The following ASAH1 variants were observed in gnomAD, a reference collection of about 807,000 sequenced individuals.
The protein encoded by ASAH1 is acid ceramidase.
ASAH1 carries 70 observed loss-of-function variants against 59.5 expected under a neutral mutation model. The observed-to-expected ratio is 1.18, with a 90% CI of 0.97 to 1.43. The LOEUF is 1.43. Ranked by LOEUF, ASAH1 falls within the 40% of genes most tolerant of loss-of-function variation. The pLI is 0.00. For synonymous variants in ASAH1, 213 were observed against 166.5 expected, an observed-to-expected ratio of 1.28 and a Z score of -2.15; for missense variants, 660 against 482.5, an observed-to-expected ratio of 1.37 and a Z score of -3.45.
chr8:18,068,477 C>A (rs2299606), intron 4 of ASAH1: 64,168 of 151,992 alleles, frequency 0.42, 14,581 homozygotes, highest in Admixed American at 0.53. Context: ...CGAGAGCATG[C>A]ACGTGAGGGA....
At position 18,058,844 on chromosome 8, in the gene ASAH1, G is replaced by A. The variant is rs1484365119; in HGVS notation, c.1089C>T (p.Val363=). The change falls in exon 13 of 14, where the codon GTC becomes GTT. Residue 363 remains valine, a synonymous_variant. Transcript: ENST00000637790. ...TMYDVLSTKP[V]LNKLTVYTTL... is the part of the protein sequence containing the mutation. Reference sequence around the variant, plus strand: ...ATAACATTTAAAATACCTTGTTGAGGACAGGTTTTGTTGACAGGACATCAT... The same window carrying A: ...ATAACATTTAAAATACCTTGTTGAGAACAGGTTTTGTTGACAGGACATCAT... The A allele has an allele frequency of 2.5e-6, 4 of 1,611,182 alleles. No individual in the cohort carries two copies. The Admixed American group carries it at 5.0e-5, about 20-fold the overall frequency.
chr8:18,064,430 GCCCAC>G, intron 6 of ASAH1, 22 bp downstream of exon 6: 659 of 1,483,888 alleles, frequency 4.4e-4, no homozygotes, highest in Non-Finnish European at 5.8e-4. Flanking sequence ...GCTTCATGCT[GCCCAC>G]CCTCCCTCAG....
At chr8:18,070,027 C>G in intron 3 of ASAH1, 149 bp from the exon 4 acceptor site, 1 of 548,082 alleles carries the variant, frequency 1.8e-6, no homozygotes, top group Non-Finnish European at 3.2e-6. Context: ...GTCACCCAGG[C>G]TGGAGTGCAG....
chr8:18,067,398 A>G, intron 4 of ASAH1, 100 bp from the exon 5 acceptor site: 1 of 746,430 alleles, frequency 1.3e-6, no homozygotes, highest in Non-Finnish European at 1.9e-6. Context: ...TTTGAAATCT[A>G]GTTCTTGGAC....
At chr8:18,081,776 G>C (rs1010502462) in intron 1 of ASAH1, among the ~76,000 whole-genome samples, 2 of 152,148 alleles carry the variant, frequency 1.3e-5, no homozygotes, top group Non-Finnish European at 2.9e-5. Context: ...TTGTTACCAT[G>C]AGGCTATAGT....
chr8:18,061,403 A>G lies in ASAH1; in HGVS notation c.759T>C (p.Thr253=). 2.5e-6 allele frequency: 4 copies of G among 1,612,786 alleles called. No homozygotes were observed. Among genetic ancestry groups the G allele is most frequent in the Non-Finnish European group, 3.4e-6 (4 of 1,178,698 alleles). Residue 253 remains threonine, a synonymous_variant, in exon 10 of 14, where the codon ACT becomes ACC. Transcript: ENST00000637790. ...KKDVMWIGFL[T]RTVLENSTSY... is the part of the protein sequence containing the mutation. ...TTGTGCTATTTTCCAGAACTGTTCTAGTGAGGAACCCTATCCACATGACAT... is the reference window on the plus strand; with the variant it reads ...TTGTGCTATTTTCCAGAACTGTTCTGGTGAGGAACCCTATCCACATGACAT...
At chr8:18,083,938 C>A in intron 1 of ASAH1, 43 bp downstream of exon 1, 1 of 1,580,620 alleles carries the variant, frequency 6.3e-7, no homozygotes, top group Non-Finnish European at 8.5e-7. Flanking sequence ...TCCGCGCCCG[C>A]ACCTGCACGC....
At chr8:18,075,500 C>G in intron 2 of ASAH1, 41 bp downstream of exon 2, 1 of 1,607,692 alleles carries the variant, frequency 6.2e-7, no homozygotes, top group Non-Finnish European at 8.5e-7. Context: ...AAAAACTTCA[C>G]AAAGGTCAAA....
intron 1 of ASAH1, among the ~76,000 whole-genome samples, chr8:18,080,211 A>ATGT (rs1379342348): frequency 6.6e-6 from 1 of 152,250 alleles, no homozygotes; most frequent in Non-Finnish European, 1.5e-5. Context: ...AATGTCAACA[A>ATGT]TGTTGACATA....
At chr8:18,071,257 A>AAC in intron 3 of ASAH1, 43 bp downstream of exon 3, 1 of 1,065,872 alleles carries the variant, frequency 9.4e-7, no homozygotes, top group Non-Finnish European at 1.3e-6. Context: ...ATAAAATAAA[A>AAC]AATAAAAATA....
In ASAH1 at chr8:18,057,450, A is replaced by G. The variant is rs1450952096; in HGVS notation, c.*84T>C. 46 of 1,084,688 alleles carry G rather than the reference A, an allele frequency of 4.2e-5. No homozygotes were observed. Among genetic ancestry groups the G allele is most frequent in the Admixed American group, 2.2e-4 (12 of 55,054 alleles). 67.2% of individuals were successfully genotyped at this position (1,084,688 alleles called of 1,614,324 possible). A position where few individuals can be genotyped will look rare whatever the true frequency, so the allele number is the denominator to read the frequency against. On this transcript the variant is annotated 3_prime_UTR_variant, in exon 14 of 14. Coordinates refer to ENST00000637790, the MANE Select transcript of ASAH1 (RefSeq NM_177924.5). The stretch of plus-strand genomic sequence containing the variant: ...ACCTGCCGCGAGTCTTAGTCTTTGG[A>G]AGGTCAGACAGCTGCAGTGTTCGGT...
Position 18,059,570 on chromosome 8 carries a change from A to C in ASAH1, c.917+2T>G, listed in dbSNP as rs1157855841. The C allele has an allele frequency of 6.2e-7, 1 of 1,614,044 alleles. No homozygotes were observed. Among genetic ancestry groups the C allele is most frequent in the South Asian group, 1.1e-5 (1 of 91,070 alleles). On this transcript the variant is annotated splice_donor_variant, in intron 11 of 13. Coordinates refer to ENST00000637790, the MANE Select transcript of ASAH1 (RefSeq NM_177924.5). LOFTEE classifies it high-confidence loss of function. ...TTCTTTTGCTTTAACAAACCTACTT[A>C]CTCATATACATCCAATGATTCCTTT...
chr8:18,060,899 C>T (rs1799666215), intron 10 of ASAH1: 2 of 174,014 alleles, frequency 1.1e-5, no homozygotes, highest in South Asian at 2.6e-4. Context: ...CAGGCAGGCA[C>T]GTGTCACCAT....
At chr8:18,061,631 C>T in intron 9 of ASAH1, 55 bp downstream of exon 9, 2 of 1,552,454 alleles carry the variant, frequency 1.3e-6, no homozygotes, top group Non-Finnish European at 1.8e-6. Context: ...ACAGTCCAGC[C>T]TTCCTCATAA....
At chr8:18,067,437 T>C (rs2117048014) in intron 4 of ASAH1, 139 bp from the exon 5 acceptor site, 1 of 398,726 alleles carries the variant, frequency 2.5e-6, no homozygotes. Context: ...ACTGCTATCA[T>C]AATAAGTGAT....
Position 18,058,921 on chromosome 8 carries a change from T to C in ASAH1, c.1042-30A>G, listed in dbSNP as rs761522522. ...AACACAAGAAAATAGTTTTGTTCAG[T>C]AAGTTAAATACAGAAGCCAACAGCC... On this transcript the variant is annotated intron_variant, in intron 12 of 13. Transcript: ENST00000637790. 1.9e-6 allele frequency: 3 copies of C among 1,586,464 alleles called. No homozygotes were observed. The South Asian group carries it at 3.3e-5, about 18-fold the overall frequency.
intron 1 of ASAH1, chr8:18,082,701 T>C (rs1224970518): frequency 2.0e-5 from 3 of 152,232 alleles, no homozygotes; most frequent in African/African-American, 7.2e-5. Context: ...AATGGGTTTT[T>C]TTCTATAACC....
chr8:18,058,774 A>G, intron 13 of ASAH1, 61 bp downstream of exon 13: 1 of 1,426,304 alleles, frequency 7.0e-7, no homozygotes, highest in African/African-American at 1.4e-5. Context: ...ACAGAGAAAG[A>G]TAAAACATAG....
intron 2 of ASAH1, among the ~76,000 whole-genome samples, 185 bp from the exon 3 acceptor site, chr8:18,071,575 T>C (rs978211355): frequency 6.6e-6 from 1 of 151,990 alleles, no homozygotes; most frequent in Non-Finnish European, 1.5e-5. Flanking sequence ...AACACAATCA[T>C]AAGCGGTCAC....
Sources: gnomAD v4.1 joint callset for allele counts (sites outside exome capture counted in the v4.1 genomes callset) on GRCh38, gnomAD v4.1.1 for gene constraint, MANE v1.5 for transcripts, NCBI Gene and HGNC (gene_info 2026-07-23, HGNC 2026-07-21) for gene names.